FMNL1: variants seen among roughly 807,000 people sequenced by gnomAD.
The protein encoded by FMNL1 is formin like 1, also known as formin-like protein 1.
A neutral mutation model predicts 121.3 loss-of-function variants in FMNL1; 43 were observed. The ratio of observed to expected loss-of-function variants is 0.35; its 90% CI spans 0.28 to 0.46. The LOEUF (loss-of-function observed/expected upper bound fraction) is 0.46. FMNL1 is among the 20% of genes least tolerant of loss of function. The probability of loss-of-function intolerance (pLI) is 1.00; values close to 1 mark genes in which losing one functional copy is unlikely to be tolerated. For synonymous variants in FMNL1, 613 were observed against 613.5 expected, an observed-to-expected ratio of 1.00 and a Z score of 0.01; for missense variants, 1,191 against 1,482.4, an observed-to-expected ratio of 0.80 and a Z score of 3.23.
chr17:45,240,354 A>C, intron 11 of FMNL1, 122 bp from the exon 12 acceptor site: 1 of 1,032,668 alleles, frequency 9.7e-7, no homozygotes, highest in East Asian at 2.8e-5. Context: ...AAAATAAAGA[A>C]AAAGTAGGCT....
chr17:45,245,485 T>A, intron 22 of FMNL1, 69 bp downstream of exon 22: 1 of 1,607,960 alleles, frequency 6.2e-7, no homozygotes, highest in Non-Finnish European at 8.5e-7. Flanking sequence ...CCTGGAGGGG[T>A]GTGGCCGTAG....
chr17:45,232,037 G>C (rs1342255499), intron 2 of FMNL1, among the ~76,000 whole-genome samples: 4 of 152,168 alleles, frequency 2.6e-5, no homozygotes, highest in Non-Finnish European at 5.9e-5. Flanking sequence ...AGCTGGGCGT[G>C]GTGGTGCACA....
At chr17:45,238,517 A>G (rs1459321256) in intron 9 of FMNL1, 47 bp from the exon 10 acceptor site, 1 of 1,603,634 alleles carries the variant, frequency 6.2e-7, no homozygotes, top group African/African-American at 1.3e-5. Flanking sequence ...AAGGTAGCTT[A>G]GGACGTGTGT....
At chr17:45,222,776 G>C (rs1403934364) in intron 1 of FMNL1, among the ~76,000 whole-genome samples, 1 of 151,974 alleles carries the variant, frequency 6.6e-6, no homozygotes, top group Non-Finnish European at 1.5e-5. Flanking sequence ...TTTCTACCCC[G>C]CCATATGTCA....
At chr17:45,242,534 GC>G (rs2043730486) in intron 16 of FMNL1, 69 bp downstream of exon 16, 5 of 1,554,944 alleles carry the variant, frequency 3.2e-6, no homozygotes, top group Non-Finnish European at 3.5e-6. Flanking sequence ...ATCAGGCTGG[GC>G]CCTGGGGGTA....
chr17:45,222,163 C>T lies in FMNL1; in HGVS notation c.39C>T (p.Gly13=). The stretch of plus-strand genomic sequence containing the variant: ...CCGGCAGCGCCGAGCAGCCCGCGGG[C>T]CCCGCCGCGCCGCCCCCCAAGCAGC... ...NAAGSAEQPA[G]PAAPPPKQPA... The change falls in exon 1 of 27, where the codon GGC becomes GGT. Residue 13 remains glycine (G), a synonymous_variant. Coordinates refer to ENST00000331495, the MANE Select transcript of FMNL1 (RefSeq NM_005892.4). 8.3e-7 allele frequency: 1 copy of T among 1,208,694 alleles called. No homozygotes were observed. The highest frequency in any genetic ancestry group is 1.0e-6 in the Non-Finnish European group (1 of 974,580). 74.9% of individuals were successfully genotyped at this position (1,208,694 alleles called of 1,614,324 possible).
intron 11 of FMNL1, chr17:45,240,264 G>A (rs1280291201): frequency 5.2e-6 from 2 of 386,798 alleles, no homozygotes; most frequent in Non-Finnish European, 4.4e-6. Context: ...GGTGATGGTT[G>A]CACAACCTTG....
In FMNL1 at chr17:45,229,742, G is replaced by A. The variant is rs147647063; in HGVS notation, c.130-862G>A. On this transcript the variant is annotated intron_variant, in intron 1 of 26. Transcript: ENST00000331495. ...CCCTGGGCTGGCGCTAACCTGCTCC[G>A]TGGTGGCAGGGGCACCGTACCCTTG... Among the ~76,000 whole-genome samples, 44 of 152,286 alleles carry A rather than the reference G, an allele frequency of 2.9e-4. 1 individual carries two copies. In the East Asian group the frequency reaches 7.9e-3, roughly 27 times the overall value.
In FMNL1 at chr17:45,234,160, C is replaced by T. The variant is rs974533292; in HGVS notation, c.574C>T (p.Pro192Ser). ...GTCTGTGGAAGACCTCAGCAAGGGT[C>T]CACCCTCCTCCGTGCCCAAAAGCCG... ...EQSVEDLSKG[P>S]PSSVPKSRHL... The change falls in exon 6 of 27, where the codon CCA (proline) becomes TCA (serine). Residue 192 changes from proline (P) to serine (S), a missense_variant. Around this residue, in one of 4 missense-constraint regions of FMNL1, gnomAD observed 253 missense variants for 417.5 expected, o/e 0.61. Transcript: ENST00000331495. The T allele has an allele frequency of 6.2e-7, 1 of 1,614,016 alleles. No homozygotes were observed. The highest frequency in any genetic ancestry group is 8.5e-7 in the Non-Finnish European group (1 of 1,180,038).
At chr17:45,224,372 G>A (rs1225735814) in intron 1 of FMNL1, among the ~76,000 whole-genome samples, 4 of 152,184 alleles carry the variant, frequency 2.6e-5, no homozygotes, top group African/African-American at 9.7e-5. Flanking sequence ...TGGTCGCTAT[G>A]TGAACCCCCA....
chr17:45,244,254 C>T lies in FMNL1; in HGVS notation c.2517+10C>T, dbSNP rs371251874. ...CCGCCAGATCCTGGAGGTGAGGGGCCAGGAGGTGGGGCCCACCCTTGCCTG... is the reference window on the plus strand; with the variant it reads ...CCGCCAGATCCTGGAGGTGAGGGGCTAGGAGGTGGGGCCCACCCTTGCCTG... On this transcript the variant is annotated intron_variant, in intron 19 of 26. Transcript: ENST00000331495. The T allele has an allele frequency of 8.1e-6, 13 of 1,607,470 alleles. No homozygotes were observed. In the African/African-American group the frequency reaches 1.5e-4, roughly 18 times the overall value.
chr17:45,239,618 G>A (rs1238609087), intron 11 of FMNL1, among the ~76,000 whole-genome samples: 1 of 152,112 alleles, frequency 6.6e-6, no homozygotes, highest in Admixed American at 6.5e-5. Flanking sequence ...TTTCGGGGTT[G>A]GATTTTTGAA....
chr17:45,244,669 G>T, intron 19 of FMNL1, 150 bp from the exon 20 acceptor site: 1 of 780,484 alleles, frequency 1.3e-6, no homozygotes, highest in East Asian at 2.5e-5. Flanking sequence ...ATGTACATGT[G>T]CTGTGGATCT....
chr17:45,244,941 G>C (rs770267039), intron 20 of FMNL1, 38 bp from the exon 21 acceptor site: 1 of 1,612,160 alleles, frequency 6.2e-7, no homozygotes, highest in Non-Finnish European at 8.5e-7. Flanking sequence ...GCTGGGGACT[G>C]GCTGGTGGCC....
rs2143320425 is a variant in FMNL1, at chr17:45,231,794, G to A, written c.214-573G>A. Among the ~76,000 whole-genome samples the A allele has an allele frequency of 6.6e-6, 1 of 152,272 alleles. No individual in the cohort carries two copies. The highest frequency in any genetic ancestry group is 2.4e-5 in the African/African-American group (1 of 41,538). Reference sequence around the variant, plus strand: ...GGTCCGAGTCCTACCCAGGTGCTGGGTCCCCTTCACGAGGCACCTCCAGCC... The same window carrying A: ...GGTCCGAGTCCTACCCAGGTGCTGGATCCCCTTCACGAGGCACCTCCAGCC... On this transcript the variant is annotated intron_variant, in intron 2 of 26. Transcript: ENST00000331495. The surrounding 1 kb of genome is among the most constrained non-coding windows in gnomAD (Gnocchi z 4.7).
chr17:45,247,049 C>G lies in FMNL1; in HGVS notation c.*191C>G. ...GGCTCAAGGAAGGTGGTCCTCAGCT[C>G]GGCTGGCCGGGCAGCCCCTCCTCCG... On this transcript the variant is annotated 3_prime_UTR_variant, in exon 27 of 27. Coordinates refer to ENST00000331495, the MANE Select transcript of FMNL1 (RefSeq NM_005892.4). 1.6e-6 allele frequency: 1 copy of G among 636,122 alleles called. No homozygotes were observed. The highest frequency in any genetic ancestry group is 1.7e-5 in the South Asian group (1 of 59,396). 39.4% of individuals were successfully genotyped at this position (636,122 alleles called of 1,614,324 possible). A position where few individuals can be genotyped will look rare whatever the true frequency, so the allele number is the denominator to read the frequency against.
At position 45,239,059 on chromosome 17, in the gene FMNL1, C is replaced by T. The variant is rs1274342028; in HGVS notation, c.1074C>T (p.Tyr358=). ...TCACCCACTTGGGCCTGGACCTGTA[C>T]TTGGAGGTAAGCCCTGTACTGCCCC... ...YEFTHLGLDL[Y]LERLRLTESD... Residue 358 remains tyrosine (Y), a synonymous_variant, in exon 11 of 27, where the codon TAC becomes TAT. Coordinates refer to ENST00000331495, the MANE Select transcript of FMNL1 (RefSeq NM_005892.4). The T allele has an allele frequency of 3.1e-6, 5 of 1,613,708 alleles. No individual in the cohort carries two copies. Among genetic ancestry groups the T allele is most frequent in the East Asian group, 2.2e-5 (1 of 44,882 alleles).
intron 19 of FMNL1, among the ~76,000 whole-genome samples, 185 bp downstream of exon 19, chr17:45,244,429 C>T (rs1025821401): frequency 4.6e-5 from 7 of 152,226 alleles, no homozygotes; most frequent in Admixed American, 3.3e-4. Context: ...TGTAGCAGCT[C>T]ACCTGGGACC....
Position 45,231,851 on chromosome 17 carries a change from A to T in FMNL1, c.214-516A>T, listed in dbSNP as rs1417634469. On this transcript the variant is annotated intron_variant, in intron 2 of 26. Coordinates refer to ENST00000331495, the MANE Select transcript of FMNL1 (RefSeq NM_005892.4). The surrounding 1 kb of genome is among the most constrained non-coding windows in gnomAD (Gnocchi z 4.7). ...CCCCGCCGTATGCCAGCTCTGGTCC[A>T]GGGAGGGCACCACCTGCTGGCTAGA... Among the ~76,000 whole-genome samples, 1 of 152,118 alleles carries T rather than the reference A, an allele frequency of 6.6e-6. No individual in the cohort carries two copies. Among genetic ancestry groups the T allele is most frequent in the East Asian group, 1.9e-4 (1 of 5,182 alleles).
Sources: allele counts gnomAD v4.1 joint callset (sites outside exome capture counted in the v4.1 genomes callset), GRCh38; gene constraint gnomAD v4.1.1; regional missense constraint gnomAD v4.1.1; non-coding constraint Gnocchi (gnomAD v3.1); transcripts MANE v1.5; gene names NCBI Gene and HGNC (gene_info 2026-07-23, HGNC 2026-07-21).